The following SGSM1 variants were observed in gnomAD, a reference collection of about 807,000 sequenced individuals.
The protein encoded by SGSM1 is small G protein signaling modulator 1, also known as RUN and TBC1 domain containing 2.
In SGSM1, 73 loss-of-function variants were observed where a neutral mutation model predicts 133.8. That is an observed-to-expected ratio of 0.55 (90% CI 0.45 to 0.66). SGSM1 has a LOEUF of 0.66. SGSM1 is among the 30% of genes least tolerant of loss of function. The pLI is 0.00. For missense variants in SGSM1, 1,213 were observed against 1,448.1 expected (o/e 0.84, Z 2.64); for synonymous variants, 563 against 573.0 (o/e 0.98, Z 0.25).
rs1204789889 is a variant in SGSM1 at position 24,926,211 on chromosome 22, C to T, written c.*1937C>T. ...CCTTGGTATAGCAACTTCAACTGCA[C>T]CTGAACCTCCAACCTCTGCCCAGCC... On this transcript the variant is annotated 3_prime_UTR_variant, in exon 25 of 25. Coordinates refer to ENST00000400358, the MANE Select transcript of SGSM1 (RefSeq NM_001098497.3). 1 of 152,256 alleles carries T rather than the reference C, an allele frequency of 6.6e-6. No individual in the cohort carries two copies. The allele number at this position is 152,256 out of a possible 1,614,324, so 9.4% of individuals were successfully genotyped here.
At chr22:24,898,670 T>C in intron 19 of SGSM1, 111 bp downstream of exon 19, 1 of 1,101,838 alleles carries the variant, frequency 9.1e-7, no homozygotes, top group Non-Finnish European at 1.3e-6. Flanking sequence ...TCTGGTTCGT[T>C]GCATTTTTTC....
At chr22:24,810,144 C>G (rs1233194132) in intron 2 of SGSM1, among the ~76,000 whole-genome samples, 1 of 152,048 alleles carries the variant, frequency 6.6e-6, no homozygotes, top group Non-Finnish European at 1.5e-5. Context: ...GGGAGGACAT[C>G]GAGAACAGGG....
chr22:24,817,185 T>G (rs955573380), intron 2 of SGSM1, among the ~76,000 whole-genome samples: 1 of 152,170 alleles, frequency 6.6e-6, no homozygotes, highest in Non-Finnish European at 1.5e-5. Flanking sequence ...AGGTATACAC[T>G]CCTGTGCTCT....
At chr22:24,917,237 G>A (rs569286693) in intron 22 of SGSM1, among the ~76,000 whole-genome samples, 1 of 152,038 alleles carries the variant, frequency 6.6e-6, no homozygotes, top group South Asian at 2.1e-4. Flanking sequence ...TGCATCATAT[G>A]GAAATGATGT....
chr22:24,812,816 C>T (rs749937840), intron 2 of SGSM1, among the ~76,000 whole-genome samples: 6 of 152,166 alleles, frequency 3.9e-5, no homozygotes, highest in Non-Finnish European at 5.9e-5. Context: ...TCCTTCCTTC[C>T]TCCCACAAAT....
chr22:24,867,497 G>A (rs192709097), intron 10 of SGSM1, among the ~76,000 whole-genome samples: 4 of 152,298 alleles, frequency 2.6e-5, no homozygotes, highest in African/African-American at 7.2e-5. Flanking sequence ...TCACATGCCC[G>A]TTATTCAGTC....
intron 22 of SGSM1, among the ~76,000 whole-genome samples, chr22:24,914,786 G>A (rs1933763859): frequency 6.6e-6 from 1 of 152,110 alleles, no homozygotes; most frequent in Non-Finnish European, 1.5e-5. Context: ...CTCTTTCCCG[G>A]AAGTACAGTC....
rs528623323 is a variant in SGSM1, at chr22:24,880,204, G to A, written c.1495+678G>A. On this transcript the variant is annotated intron_variant, in intron 14 of 24. Coordinates refer to ENST00000400358, the MANE Select transcript of SGSM1 (RefSeq NM_001098497.3). ...GGCTGGAGTGCAATGGCTTGATCTC[G>A]GCTCACTGCAAGCTCCACCTCCTGG... Among the ~76,000 whole-genome samples, 175 of 151,822 alleles carry A rather than the reference G, an allele frequency of 1.2e-3. 1 individual carries two copies. Among genetic ancestry groups the A allele is most frequent in the Non-Finnish European group, 2.0e-3 (139 of 67,934 alleles).
In SGSM1 at chr22:24,806,261, C is replaced by G. The variant is rs536163868; in HGVS notation, c.-65C>G. 13 of 1,366,260 alleles carry G rather than the reference C, an allele frequency of 9.5e-6. No individual in the cohort carries two copies. The East Asian group carries it at 1.5e-4, about 16-fold the overall frequency. 84.6% of individuals were successfully genotyped at this position (1,366,260 alleles called of 1,614,324 possible). On this transcript the variant is annotated 5_prime_UTR_variant, in exon 1 of 25. Coordinates refer to ENST00000400358, the MANE Select transcript of SGSM1 (RefSeq NM_001098497.3). ...GCGGCTGCAGCAGCAGCGCCGCGGC[C>G]GGAGGAGCTACCGCCGCCACCGCCG...
intron 4 of SGSM1, among the ~76,000 whole-genome samples, chr22:24,848,883 A>C (rs1930297625): frequency 1.3e-5 from 2 of 152,218 alleles, no homozygotes; most frequent in South Asian, 4.1e-4. Context: ...GCTGGCCAGA[A>C]CGGTATGGTG....
At chr22:24,882,489 A>G (rs917994398) in intron 14 of SGSM1, among the ~76,000 whole-genome samples, 1 of 152,234 alleles carries the variant, frequency 6.6e-6, no homozygotes, top group Non-Finnish European at 1.5e-5. Context: ...TGTGAAATTC[A>G]TCACTTCAAA....
intron 8 of SGSM1, chr22:24,856,163 A>G (rs1930776097): frequency 5.8e-6 from 2 of 342,718 alleles, no homozygotes; most frequent in Non-Finnish European, 1.2e-5. Flanking sequence ...TTCAGCAAAC[A>G]TTTCCATGGA....
chr22:24,858,484 A>G (rs139697), intron 8 of SGSM1, among the ~76,000 whole-genome samples: 16,741 of 152,030 alleles, frequency 0.11, 1,848 homozygotes, highest in African/African-American at 0.28. Context: ...AAAAATACAA[A>G]AATTAGCTAG....
intron 2 of SGSM1, among the ~76,000 whole-genome samples, chr22:24,821,533 G>A (rs1928470173): frequency 6.6e-6 from 1 of 152,152 alleles, no homozygotes; most frequent in Non-Finnish European, 1.5e-5. Flanking sequence ...CCCTGGGGAG[G>A]TGGCAGGGAA....
At position 24,912,704 on chromosome 22, in the gene SGSM1, C is replaced by T. The variant is rs147428507; in HGVS notation, c.2880C>T (p.His960=). ...LMKRMNQNFP[H]GGAMDTHFAN... ...AGAGGATGAACCAGAACTTCCCCCA[C>T]GGAGGCGCCATGGACACGCACTTTG... The change falls in exon 22 of 25, where the codon CAC becomes CAT. Residue 960 remains histidine, a synonymous_variant. Coordinates refer to ENST00000400358, the MANE Select transcript of SGSM1 (RefSeq NM_001098497.3). 4,208 of 1,613,710 alleles carry T rather than the reference C, an allele frequency of 2.6e-3. 99 individuals carry two copies. The East Asian group carries it at 0.039, about 15-fold the overall frequency.
At chr22:24,876,746 A>T in intron 13 of SGSM1, 31 bp downstream of exon 13, 1 of 1,613,546 alleles carries the variant, frequency 6.2e-7, no homozygotes, top group Non-Finnish European at 8.5e-7. Context: ...AGATGGAGAG[A>T]GCTGAAGGAT....
At chr22:24,840,254 A>G (rs557355281) in intron 2 of SGSM1, among the ~76,000 whole-genome samples, 40 of 150,066 alleles carry the variant, frequency 2.7e-4, no homozygotes, top group Admixed American at 2.4e-3. Flanking sequence ...TGGGCAAAAC[A>G]TGTCTTGATT....
In SGSM1 at chr22:24,876,629, G is replaced by A; in HGVS notation, c.1344G>A (p.Gln448=). 2 of 1,614,020 alleles carry A rather than the reference G, an allele frequency of 1.2e-6. No individual in the cohort carries two copies. Among genetic ancestry groups the A allele is most frequent in the African/African-American group, 1.3e-5 (1 of 75,046 alleles). ...VSVSNLPSLW[Q]PSPRKSSCSS... ...TAAGCAACCTCCCATCCCTGTGGCA[G>A]CCCAGTCCCCGGAAGTCCTCCTGTT... The change falls in exon 13 of 25, where the codon CAG becomes CAA. Residue 448 remains glutamine (Q), a synonymous_variant. Coordinates refer to ENST00000400358, the MANE Select transcript of SGSM1 (RefSeq NM_001098497.3).
At chr22:24,911,380 C>T (rs1029931411) in intron 21 of SGSM1, among the ~76,000 whole-genome samples, 4 of 151,190 alleles carry the variant, frequency 2.6e-5, no homozygotes, top group Admixed American at 2.6e-4. Context: ...CAATCTCCGC[C>T]TCCCAGGTTC....
Sources: gnomAD v4.1 joint callset for allele counts (sites outside exome capture counted in the v4.1 genomes callset) on GRCh38, gnomAD v4.1.1 for gene constraint, MANE v1.5 for transcripts, NCBI Gene and HGNC (gene_info 2026-07-23, HGNC 2026-07-21) for gene names.